PCDH9: variants seen among roughly 807,000 people sequenced by gnomAD.
PCDH9 encodes the protein protocadherin-9.
Under a neutral mutation model 70.6 loss-of-function variants are expected in PCDH9, and 24 were observed. The observed-to-expected ratio is 0.34, with a 90% confidence interval of 0.25 to 0.48. The LOEUF is 0.48. Ranked by LOEUF, PCDH9 falls within the 20% of genes least tolerant of loss-of-function variation. The probability of loss-of-function intolerance (pLI) is 0.99; values close to 1 mark genes in which losing one functional copy is unlikely to be tolerated. For synonymous variants in PCDH9, 562 were observed against 558.5 expected, an observed-to-expected ratio of 1.01 and a Z score of -0.09; for missense variants, 1,281 against 1,503.6, an observed-to-expected ratio of 0.85 and a Z score of 2.45.
intron 4 of PCDH9, among the ~76,000 whole-genome samples, chr13:66,343,966 T>A (rs1410670176): frequency 6.6e-6 from 1 of 152,188 alleles, no homozygotes. Context: ...TAATTATTTG[T>A]TTCATGCAGG....
At chr13:66,951,959 T>A (rs999317025) in intron 2 of PCDH9, among the ~76,000 whole-genome samples, 1 of 152,174 alleles carries the variant, frequency 6.6e-6, no homozygotes, top group East Asian at 1.9e-4. Context: ...TTGTAATTAT[T>A]TCTTTCATCT....
intron 3 of PCDH9, among the ~76,000 whole-genome samples, chr13:66,645,884 ATAAG>A (rs1424055402): frequency 1.3e-5 from 2 of 152,234 alleles, no homozygotes; most frequent in Non-Finnish European, 2.9e-5. Flanking sequence ...TACAATAGAA[ATAAG>A]TAACAGAAAG....
intron 4 of PCDH9, among the ~76,000 whole-genome samples, chr13:66,405,672 C>T (rs963132171): frequency 6.6e-6 from 1 of 152,110 alleles, no homozygotes; most frequent in African/African-American, 2.4e-5. Context: ...AATGACTTTA[C>T]TCTGGCCTTC....
At chr13:66,817,459 CATAG>C (rs1294624396) in intron 3 of PCDH9, among the ~76,000 whole-genome samples, 1 of 152,052 alleles carries the variant, frequency 6.6e-6, no homozygotes, top group Non-Finnish European at 1.5e-5. Flanking sequence ...TTACAATACT[CATAG>C]ATAGAAACTA....
chr13:66,517,282 T>G (rs899854554), intron 4 of PCDH9, among the ~76,000 whole-genome samples: 3 of 152,152 alleles, frequency 2.0e-5, no homozygotes, highest in Non-Finnish European at 4.4e-5. Context: ...ACTGACCGAT[T>G]TATTAAATCA....
At chr13:67,148,577 T>G (rs915811272) in intron 2 of PCDH9, among the ~76,000 whole-genome samples, 1 of 152,214 alleles carries the variant, frequency 6.6e-6, no homozygotes, top group South Asian at 2.1e-4. Flanking sequence ...CAACTTCTTT[T>G]TTTTAATTAC....
intron 4 of PCDH9, among the ~76,000 whole-genome samples, chr13:66,316,881 C>T (rs1319992786): frequency 6.6e-6 from 1 of 152,100 alleles, no homozygotes; most frequent in African/African-American, 2.4e-5. Context: ...CACAACAACG[C>T]CTGGCTAATT....
intron 4 of PCDH9, chr13:66,323,298 G>A (rs1383526333): frequency 2.0e-5 from 3 of 151,918 alleles, no homozygotes; most frequent in Non-Finnish European, 4.4e-5. Flanking sequence ...ATTAACTTTA[G>A]GAAAGGAACT....
In PCDH9 at chr13:66,503,969, G is replaced by A. The variant is rs185566430; in HGVS notation, c.3340+127241C>T. ...TATCAGGCACAAGACCCAGAAGTCA[G>A]GCTGTGTCGTAACTACGTGTCCAAC... On this transcript the variant is annotated intron_variant, in intron 4 of 4. Transcript: ENST00000377865. Among the ~76,000 whole-genome samples, 12 of 152,276 alleles carry A rather than the reference G, an allele frequency of 7.9e-5. 3 individuals carry two copies. Among genetic ancestry groups the A allele is most frequent in the African/African-American group, 2.9e-4 (12 of 41,558 alleles).
At chr13:67,024,538 G>GT (rs1256720319) in intron 2 of PCDH9, among the ~76,000 whole-genome samples, 1 of 151,784 alleles carries the variant, frequency 6.6e-6, no homozygotes, top group African/African-American at 2.4e-5. Flanking sequence ...TGCTGTTGAG[G>GT]TTTTTTTCTA....
At chr13:67,087,394 T>C (rs1253241082) in intron 2 of PCDH9, among the ~76,000 whole-genome samples, 1 of 152,104 alleles carries the variant, frequency 6.6e-6, no homozygotes, top group Non-Finnish European at 1.5e-5. Context: ...TTTACAAATA[T>C]GTCGCAAACC....
intron 4 of PCDH9, among the ~76,000 whole-genome samples, chr13:66,327,592 T>C (rs1955870279): frequency 6.6e-6 from 1 of 152,114 alleles, no homozygotes; most frequent in Non-Finnish European, 1.5e-5. Flanking sequence ...TGAAAGGCAG[T>C]GTGGGTTAGA....
chr13:66,849,928 G>C (rs2081287102), intron 3 of PCDH9, among the ~76,000 whole-genome samples: 1 of 152,096 alleles, frequency 6.6e-6, no homozygotes, highest in South Asian at 2.1e-4. Context: ...CCTGGGCACA[G>C]CTGTTCTTCA....
chr13:66,698,129 G>A (rs2078589039), intron 3 of PCDH9, among the ~76,000 whole-genome samples: 3 of 152,180 alleles, frequency 2.0e-5, no homozygotes, highest in African/African-American at 7.2e-5. Context: ...TGGGGCAGTA[G>A]AAATGGGAAG....
chr13:67,089,935 A>G (rs1370309763), intron 2 of PCDH9, among the ~76,000 whole-genome samples: 2 of 151,854 alleles, frequency 1.3e-5, no homozygotes, highest in Non-Finnish European at 2.9e-5. Context: ...CATTAATAGC[A>G]CCCCAAATGC....
intron 2 of PCDH9, among the ~76,000 whole-genome samples, chr13:66,935,618 T>G (rs938650005): frequency 6.6e-6 from 1 of 152,144 alleles, no homozygotes; most frequent in South Asian, 2.1e-4. Context: ...GTTGTTCAAG[T>G]GGAAGTGCAT....
chr13:66,533,102 C>T (rs1408173082), intron 4 of PCDH9, among the ~76,000 whole-genome samples: 15 of 152,100 alleles, frequency 9.9e-5, no homozygotes. Context: ...GGATTCAGGG[C>T]TTCTGGGCTG....
intron 3 of PCDH9, among the ~76,000 whole-genome samples, chr13:66,631,658 GA>G (rs2077573044): frequency 6.6e-6 from 1 of 152,060 alleles, no homozygotes; most frequent in Admixed American, 6.5e-5. Context: ...TTGGGGCTTT[GA>G]AAAGTGTAAC....
intron 3 of PCDH9, among the ~76,000 whole-genome samples, chr13:66,665,212 T>A (rs2078079286): frequency 6.6e-6 from 1 of 151,454 alleles, no homozygotes; most frequent in Non-Finnish European, 1.5e-5. Flanking sequence ...GTTCAAGCAA[T>A]TCTCCCGCCT....
Sources: allele counts gnomAD v4.1 joint callset (sites outside exome capture counted in the v4.1 genomes callset), GRCh38; gene constraint gnomAD v4.1.1; transcripts MANE v1.5; gene names NCBI Gene and HGNC (gene_info 2026-07-23, HGNC 2026-07-21).